The following ZNF654 variants were observed in gnomAD, a reference collection of about 807,000 sequenced individuals.
The protein encoded by ZNF654 is zinc finger protein 654.
In ZNF654, 19 loss-of-function variants were observed where a neutral mutation model predicts 95.3. The observed-to-expected ratio is 0.20, with a 90% confidence interval of 0.14 to 0.29. ZNF654 has a LOEUF of 0.29. Ranked by LOEUF, ZNF654 falls within the 10% of genes least tolerant of loss-of-function variation. The pLI, the probability that ZNF654 is intolerant of heterozygous loss-of-function variation, is 1.00. For missense variants in ZNF654, 1,046 were observed against 1,341.0 expected, an observed-to-expected ratio of 0.78 and a Z score of 3.44; for synonymous variants, 413 against 457.9, an observed-to-expected ratio of 0.90 and a Z score of 1.25.
Position 88,141,795 on chromosome 3 carries a change from T to C in ZNF654, c.*143T>C. The C allele has an allele frequency of 1.8e-6, 1 of 556,872 alleles. No individual in the cohort carries two copies. 34.5% of individuals were successfully genotyped at this position (556,872 alleles called of 1,614,324 possible). A position where few individuals can be genotyped will look rare whatever the true frequency, so the allele number is the denominator to read the frequency against. On this transcript the variant is annotated 3_prime_UTR_variant, in exon 9 of 9. Coordinates refer to ENST00000636215, the MANE Select transcript of ZNF654 (RefSeq NM_001350134.2). ...TACTAAAGATAAAGACAAAGCACAT[T>C]TTCTAGAATGAACTCACAGAGATGT... is the stretch of plus-strand genomic sequence containing the variant.
intron 2 of ZNF654, among the ~76,000 whole-genome samples, chr3:88,101,014 G>C (rs556559547): frequency 9.9e-5 from 15 of 152,232 alleles, no homozygotes; most frequent in African/African-American, 3.6e-4. Context: ...AAAAGTAGTA[G>C]AAGCAACTAT....
chr3:88,108,085 T>G (rs1704853842), intron 2 of ZNF654, among the ~76,000 whole-genome samples: 1 of 152,144 alleles, frequency 6.6e-6, no homozygotes, highest in African/African-American at 2.4e-5. Flanking sequence ...TTTTGTCAGG[T>G]GCCTGGAGAT....
intron 4 of ZNF654, 109 bp from the exon 5 acceptor site, chr3:88,128,700 A>C (rs1706268841): frequency 1.3e-5 from 9 of 702,488 alleles, no homozygotes; most frequent in Middle Eastern, 8.1e-4. Context: ...ATGCTATTTA[A>C]GTAGTTAAAT....
Position 88,059,515 on chromosome 3 carries a change from C to G in ZNF654, c.186+10C>G. The G allele has an allele frequency of 1.4e-6, 2 of 1,463,246 alleles. No individual in the cohort carries two copies. The highest frequency in any genetic ancestry group is 1.8e-6 in the Non-Finnish European group (2 of 1,115,860). The allele number at this position is 1,463,246 out of a possible 1,614,324, so 90.6% of individuals were successfully genotyped here. ...CCGACGCTTCTGTCAGGTGAGGCGT[C>G]CGTTGGCCGCCCCGACTTGTCACCC... is the stretch of plus-strand genomic sequence containing the variant. On this transcript the variant is annotated intron_variant, in intron 1 of 8. Coordinates refer to ENST00000636215, the MANE Select transcript of ZNF654 (RefSeq NM_001350134.2).
chr3:88,098,435 T>G (rs1704195116), intron 2 of ZNF654, among the ~76,000 whole-genome samples: 1 of 152,216 alleles, frequency 6.6e-6, no homozygotes, highest in Admixed American at 6.5e-5. Flanking sequence ...GTTCTCAAAC[T>G]ATTCCAATCA....
chr3:88,070,190 T>C (rs1331916769), intron 1 of ZNF654, among the ~76,000 whole-genome samples: 1 of 152,206 alleles, frequency 6.6e-6, no homozygotes, highest in Admixed American at 6.5e-5. Context: ...ATTTTTCTTA[T>C]AGCATTCACT....
At chr3:88,083,155 A>T (rs1458111131) in intron 1 of ZNF654, among the ~76,000 whole-genome samples, 2 of 152,054 alleles carry the variant, frequency 1.3e-5, no homozygotes, top group Non-Finnish European at 2.9e-5. Flanking sequence ...TTACTTCCTC[A>T]AAGCCCTGTC....
intron 2 of ZNF654, among the ~76,000 whole-genome samples, chr3:88,112,491 G>A (rs1705152964): frequency 6.7e-6 from 1 of 148,852 alleles, no homozygotes; most frequent in Non-Finnish European, 1.5e-5. Context: ...AAAGTATTTA[G>A]TAACAGTATT....
chr3:88,071,252 G>A (rs1707494299), intron 1 of ZNF654, among the ~76,000 whole-genome samples: 1 of 152,174 alleles, frequency 6.6e-6, no homozygotes, highest in African/African-American at 2.4e-5. Context: ...GCTCGCGGCT[G>A]TAATCCCAGC....
chr3:88,134,099 G>T (rs1378158857), intron 6 of ZNF654, among the ~76,000 whole-genome samples: 5 of 148,768 alleles, frequency 3.4e-5, no homozygotes, highest in African/African-American at 1.2e-4. Context: ...AAAAGAGTGT[G>T]AGTTAAAAAA....
intron 2 of ZNF654, among the ~76,000 whole-genome samples, chr3:88,104,115 A>G (rs1704598816): frequency 1.3e-5 from 2 of 152,134 alleles, no homozygotes; most frequent in African/African-American, 4.8e-5. Flanking sequence ...TATGTAATCA[A>G]AAACTGAGGT....
At chr3:88,132,721 C>T (rs1197499939) in intron 6 of ZNF654, among the ~76,000 whole-genome samples, 1 of 152,202 alleles carries the variant, frequency 6.6e-6, no homozygotes, top group Non-Finnish European at 1.5e-5. Flanking sequence ...ATGCCAGACA[C>T]TTCACCTAGG....
intron 2 of ZNF654, among the ~76,000 whole-genome samples, chr3:88,091,289 C>T (rs573868683): frequency 3.3e-4 from 50 of 151,820 alleles, no homozygotes; most frequent in Non-Finnish European, 6.0e-4. Context: ...GCTACGTAGA[C>T]AAAAATAATA....
rs377128621 is a variant in ZNF654 at position 88,139,618 on chromosome 3, A to G, written c.1949A>G (p.Asn650Ser). ...ACACTTACTGCTTCTAGTGAAGGAA[A>G]CAAAGAAGTCATCCCTGAGCATGTG... is the stretch of plus-strand genomic sequence containing the variant. ...VETLTASSEG[N>S]KEVIPEHVAE... Residue 650 changes from asparagine to serine, a missense_variant, in exon 8 of 9, where the codon AAC becomes AGC. By Grantham distance (46) the Asn-to-Ser change is conservative. Transcript: ENST00000636215. The G allele has an allele frequency of 1.9e-6, 3 of 1,613,724 alleles. No individual in the cohort carries two copies. Among genetic ancestry groups the G allele is most frequent in the Non-Finnish European group, 2.5e-6 (3 of 1,179,758 alleles).
At chr3:88,122,611 A>T (rs1705835560) in intron 3 of ZNF654, among the ~76,000 whole-genome samples, 1 of 152,234 alleles carries the variant, frequency 6.6e-6, no homozygotes, top group South Asian at 2.1e-4. Context: ...GATTATATTT[A>T]GCACAGTGTA....
At chr3:88,084,203 G>GAAGCTATAAT (rs1448415120) in intron 1 of ZNF654, among the ~76,000 whole-genome samples, 1 of 152,162 alleles carries the variant, frequency 6.6e-6, no homozygotes, top group Non-Finnish European at 1.5e-5. Flanking sequence ...ATGAATGAAG[G>GAAGCTATAAT]AAGCTATAAT....
intron 1 of ZNF654, among the ~76,000 whole-genome samples, chr3:88,070,110 C>T (rs529685046): frequency 1.3e-5 from 2 of 152,150 alleles, no homozygotes; most frequent in African/African-American, 2.4e-5. Flanking sequence ...CAGATCACCA[C>T]GACTTTTCTG....
Position 88,124,774 on chromosome 3 carries a change from T to G in ZNF654, c.415-1360T>G, listed in dbSNP as rs1460784739. On this transcript the variant is annotated intron_variant, in intron 3 of 8. Coordinates refer to ENST00000636215, the MANE Select transcript of ZNF654 (RefSeq NM_001350134.2). ...TTTTGATTGATGTACAATACTCAGT[T>G]TTTTTTTTTTCAACATTGCCAGTTT... Among the ~76,000 whole-genome samples, 36 of 8,988 alleles carry G rather than the reference T, an allele frequency of 4.0e-3. No individual in the cohort carries two copies. The East Asian group carries it at 0.13, about 33-fold the overall frequency. The allele number at this position is 8,988 out of a possible 152,430, so 5.9% of individuals were successfully genotyped here.
At chr3:88,113,542 A>C (rs1008687389) in intron 3 of ZNF654, among the ~76,000 whole-genome samples, 2 of 152,054 alleles carry the variant, frequency 1.3e-5, no homozygotes, top group African/African-American at 4.8e-5. Context: ...CCTTGGCTGT[A>C]CCTTGATTTT....
Sources: gnomAD v4.1 joint callset for allele counts (sites outside exome capture counted in the v4.1 genomes callset) on GRCh38, gnomAD v4.1.1 for gene constraint, MANE v1.5 for transcripts, NCBI Gene and HGNC (gene_info 2026-07-23, HGNC 2026-07-21) for gene names.